TMEM114: variants seen among roughly 807,000 people sequenced by gnomAD.
The protein encoded by TMEM114 is transmembrane protein 114.
Under a neutral mutation model 6.2 loss-of-function variants are expected in TMEM114, and 6 were observed. That is an observed-to-expected ratio of 0.97 (90% CI 0.53 to 1.91). The LOEUF is 1.91. Ranked by LOEUF, TMEM114 falls within the 40% of genes most tolerant of loss-of-function variation. The pLI is 0.01. For synonymous variants in TMEM114, 104 were observed against 73.0 expected (o/e 1.42, Z -2.16); for missense variants, 218 against 158.3 (o/e 1.38, Z -2.02).
downstream of TMEM114, among the ~76,000 whole-genome samples, chr16:8,565,842 C>A (rs536468404): frequency 2.0e-5 from 3 of 152,290 alleles, no homozygotes; most frequent in East Asian, 5.8e-4. Context: ...CATTGGGGCC[C>A]CAGTGCTAGC....
In TMEM114 at chr16:8,564,379, G is replaced by T. The variant is rs1056306045; in HGVS notation, n.212+24834C>A. Among the ~76,000 whole-genome samples, 108 of 147,836 alleles carry T rather than the reference G, an allele frequency of 7.3e-4. 3 individuals carry two copies. Among genetic ancestry groups the T allele is most frequent in the African/African-American group, 2.6e-3 (104 of 39,978 alleles). On this transcript the variant is annotated intron_variant and non_coding_transcript_variant, in intron 2 of 2. Coordinates refer to the TMEM114 transcript ENST00000623677. ...TCAGTGAGTGAATGAGTCAGTGAAT[G>T]AGTGAGGGAATGAGTGAGTGAGTGA...
chr16:8,549,357 C>A (rs571022066), intron 2 of TMEM114, among the ~76,000 whole-genome samples: 1 of 150,966 alleles, frequency 6.6e-6, no homozygotes, highest in Non-Finnish European at 1.5e-5. Flanking sequence ...AAAATTAGCC[C>A]GAAGTGGTGG....
chr16:8,569,650 G>T lies in TMEM114; in HGVS notation c.*123C>A. ...TAGTCCGCGGGGATTTGTGGGGGAA[G>T]GAGGGGGGTGCCTGGCCTCCCCGAG... is the stretch of plus-strand genomic sequence containing the variant. On this transcript the variant is annotated 3_prime_UTR_variant, in exon 4 of 4. Coordinates refer to ENST00000620492, the MANE Select transcript of TMEM114 (RefSeq NM_001146336.2). 1 of 1,440,690 alleles carries T rather than the reference G, an allele frequency of 6.9e-7. No homozygotes were observed. Among genetic ancestry groups the T allele is most frequent in the Non-Finnish European group, 9.1e-7 (1 of 1,101,380 alleles). 89.2% of individuals were successfully genotyped at this position (1,440,690 alleles called of 1,614,324 possible). A position where few individuals can be genotyped will look rare whatever the true frequency, so the allele number is the denominator to read the frequency against.
chr16:8,538,832 A>G (rs1227031621), intron 2 of TMEM114, among the ~76,000 whole-genome samples: 2 of 152,118 alleles, frequency 1.3e-5, no homozygotes, highest in Admixed American at 1.3e-4. Context: ...TATGTTGTAT[A>G]TACTTCATTG....
chr16:8,550,220 C>G (rs183371822), intron 2 of TMEM114, among the ~76,000 whole-genome samples: 1 of 152,192 alleles, frequency 6.6e-6, no homozygotes, highest in Non-Finnish European at 1.5e-5. Context: ...GTGGGTCTTC[C>G]TCTACCAGTC....
chr16:8,577,255 C>A (rs978953426), intron 2 of TMEM114, among the ~76,000 whole-genome samples: 2 of 152,238 alleles, frequency 1.3e-5, no homozygotes, highest in Non-Finnish European at 2.9e-5. Context: ...TCTCCCACAG[C>A]CCCTGCAGCT....
rs114533197 is a variant in TMEM114, at chr16:8,557,638, C to A, written n.213-19812G>T. On this transcript the variant is annotated intron_variant and non_coding_transcript_variant, in intron 2 of 2. Coordinates refer to the TMEM114 transcript ENST00000623677. ...GGCCCTTAAGAACACAGGTGCTGGT[C>A]AGCAGCCTTGGTCCCTTTTCCAGAA... 9.6e-3 allele frequency among the ~76,000 whole-genome samples: 1,468 copies of A among 152,292 alleles called. 17 individuals carry two copies. The highest frequency in any genetic ancestry group is 0.033 in the African/African-American group (1,384 of 41,542).
rs1413638395 is a variant in TMEM114, at chr16:8,589,780, A to T, written c.59T>A (p.Phe20Tyr). Residue 20 changes from phenylalanine (F) to tyrosine (Y), a missense_variant, in exon 1 of 4, where the codon TTT becomes TAT. By Grantham distance (22) the Phe-to-Tyr change is conservative. Transcript: ENST00000620492. ...GCCGATGGCGGCCGCCAGGAGCACA[A>T]AGCTGAGCGCCCCGGTCAGCGCAGC... The part of the protein sequence containing the change: ...GAAALTGALS[F>Y]VLLAAAIGTD... 1.5e-5 allele frequency: 6 copies of T among 398,420 alleles called. No homozygotes were observed. The highest frequency in any genetic ancestry group is 2.7e-5 in the Non-Finnish European group (6 of 226,088). The allele number at this position is 398,420 out of a possible 1,614,324, so 24.7% of individuals were successfully genotyped here. A position where few individuals can be genotyped will look rare whatever the true frequency, so the allele number is the denominator to read the frequency against.
At chr16:8,564,355 C>CAGTG (rs1555463921) in intron 2 of TMEM114, among the ~76,000 whole-genome samples, 4 of 117,214 alleles carry the variant, frequency 3.4e-5, no homozygotes, top group African/African-American at 1.4e-4. Context: ...GAGAATGAGT[C>CAGTG]AGTGAGTGAA....
At chr16:8,547,609 T>A (rs1900711562) in intron 2 of TMEM114, among the ~76,000 whole-genome samples, 1 of 152,042 alleles carries the variant, frequency 6.6e-6, no homozygotes, top group African/African-American at 2.4e-5. Context: ...GCCAGACTGG[T>A]CTTGAACTCC....
intron 2 of TMEM114, among the ~76,000 whole-genome samples, chr16:8,541,913 C>T (rs1596466358): frequency 2.0e-5 from 3 of 152,302 alleles, no homozygotes; most frequent in South Asian, 2.1e-4. Flanking sequence ...TCCAATTCCC[C>T]TGTTCTTTCC....
At chr16:8,577,344 C>T (rs1596311920) in intron 2 of TMEM114, among the ~76,000 whole-genome samples, 2 of 152,206 alleles carry the variant, frequency 1.3e-5, no homozygotes, top group East Asian at 3.9e-4. Context: ...AGCAAACTTC[C>T]TGAACCTTGG....
At chr16:8,537,247 T>A (rs1288674052), downstream of TMEM114, among the ~76,000 whole-genome samples, 1 of 152,026 alleles carries the variant, frequency 6.6e-6, no homozygotes, top group Non-Finnish European at 1.5e-5. Flanking sequence ...ACACCTGTAA[T>A]CCCAGCACTT....
At chr16:8,559,935 C>G (rs897273678) in intron 2 of TMEM114, among the ~76,000 whole-genome samples, 1 of 152,168 alleles carries the variant, frequency 6.6e-6, no homozygotes, top group Non-Finnish European at 1.5e-5. Flanking sequence ...GGCGGCTTAG[C>G]TGGGCACTCA....
At chr16:8,568,840 A>G (rs1044908653), downstream of TMEM114, among the ~76,000 whole-genome samples, 9 of 152,248 alleles carry the variant, frequency 5.9e-5, no homozygotes, top group African/African-American at 2.2e-4. Flanking sequence ...TCAAGGATGT[A>G]GACAGCAGCA....
In TMEM114 at chr16:8,569,503, G is replaced by T. The variant is rs532395028; in HGVS notation, c.*270C>A. 1,581 of 1,371,056 alleles carry T rather than the reference G, an allele frequency of 1.2e-3. 2 individuals carry two copies. Among genetic ancestry groups the T allele is most frequent in the Non-Finnish European group, 1.4e-3 (1,472 of 1,060,942 alleles). 84.9% of individuals were successfully genotyped at this position (1,371,056 alleles called of 1,614,324 possible). ...TTGCAATCTGTAAAGCTCTGTGTGTGATTAAAGGATCGTTTTTATTTCTCG... is the reference window on the plus strand; with the variant it reads ...TTGCAATCTGTAAAGCTCTGTGTGTTATTAAAGGATCGTTTTTATTTCTCG... On this transcript the variant is annotated 3_prime_UTR_variant, in exon 4 of 4. Coordinates refer to ENST00000620492, the MANE Select transcript of TMEM114 (RefSeq NM_001146336.2).
chr16:8,561,851 AAT>A (rs1901218990), intron 2 of TMEM114, among the ~76,000 whole-genome samples: 2 of 149,820 alleles, frequency 1.3e-5, no homozygotes, highest in Non-Finnish European at 3.0e-5. Flanking sequence ...TGAGTGAATG[AAT>A]GAGTGAGTGA....
intron 2 of TMEM114, among the ~76,000 whole-genome samples, chr16:8,556,734 C>T (rs1346029771): frequency 1.3e-5 from 2 of 152,166 alleles, no homozygotes; most frequent in Admixed American, 6.5e-5. Flanking sequence ...AACTCCTGAC[C>T]TCAGGGGATC....
chr16:8,572,649 T>C (rs887344856), intron 2 of TMEM114, among the ~76,000 whole-genome samples: 1 of 152,218 alleles, frequency 6.6e-6, no homozygotes, highest in Non-Finnish European at 1.5e-5. Flanking sequence ...TTGCCCAGAC[T>C]GGTCTCAAAC....
Sources: gnomAD v4.1 joint callset for allele counts (sites outside exome capture counted in the v4.1 genomes callset) on GRCh38, gnomAD v4.1.1 for gene constraint, MANE v1.5 for transcripts, NCBI Gene and HGNC (gene_info 2026-07-23, HGNC 2026-07-21) for gene names.